RSRC1: variants seen among roughly 807,000 people sequenced by gnomAD.
RSRC1 encodes the protein arginine and serine rich coiled-coil 1, also known as serine/Arginine-related protein 53.
A neutral mutation model predicts 49.1 loss-of-function variants in RSRC1; 39 were observed. That is an observed-to-expected ratio of 0.79 (90% CI 0.61 to 1.04). The LOEUF (loss-of-function observed/expected upper bound fraction) is 1.04. Ranked by LOEUF, RSRC1 falls within the 50% of genes least tolerant of loss-of-function variation. RSRC1 has a pLI of 0.00. For synonymous variants in RSRC1, 143 were observed against 130.8 expected, an observed-to-expected ratio of 1.09 and a Z score of -0.63; for missense variants, 388 against 402.4, an observed-to-expected ratio of 0.96 and a Z score of 0.31.
intron 6 of RSRC1, among the ~76,000 whole-genome samples, chr3:158,405,890 A>G (rs1322500313): frequency 2.0e-5 from 3 of 152,170 alleles, no homozygotes; most frequent in Non-Finnish European, 4.4e-5. Context: ...TCTTAAATTT[A>G]CATTATTCTT....
intron 5 of RSRC1, among the ~76,000 whole-genome samples, chr3:158,334,939 A>G (rs1729801589): frequency 2.0e-5 from 3 of 152,174 alleles, no homozygotes; most frequent in African/African-American, 7.2e-5. Flanking sequence ...TTGCATTAAA[A>G]TAGCCAAAGT....
chr3:158,256,961 TTTC>T (rs1341453565), intron 4 of RSRC1, among the ~76,000 whole-genome samples: 1 of 152,142 alleles, frequency 6.6e-6, no homozygotes, highest in Non-Finnish European at 1.5e-5. Context: ...TCTTCTCTCT[TTTC>T]TTCTTTAATA....
intron 4 of RSRC1, among the ~76,000 whole-genome samples, chr3:158,218,634 G>A (rs1250467245): frequency 6.6e-6 from 1 of 151,586 alleles, no homozygotes; most frequent in Non-Finnish European, 1.5e-5. Context: ...GCAGAACTCA[G>A]GAGAGTTTTA....
intron 6 of RSRC1, among the ~76,000 whole-genome samples, chr3:158,398,334 G>A (rs779712747): frequency 6.6e-6 from 1 of 152,104 alleles, no homozygotes; most frequent in Non-Finnish European, 1.5e-5. Flanking sequence ...TGAGGGCCAG[G>A]AGGCTAGAAG....
Position 158,353,561 on chromosome 3 carries a change from C to T in RSRC1, c.532-1296C>T, listed in dbSNP as rs145908767. On this transcript the variant is annotated intron_variant, in intron 5 of 9. Coordinates refer to ENST00000611884, the MANE Select transcript of RSRC1 (RefSeq NM_001271838.2). ...TTAATCCCTGTTCTGTGATATAATA[C>T]GTTCTCCCAGTCTCCTCACTTGTCT... Among the ~76,000 whole-genome samples the T allele has an allele frequency of 1.1e-4, 16 of 152,282 alleles. 1 individual carries two copies. The highest frequency in any genetic ancestry group is 3.6e-4 in the African/African-American group (15 of 41,562).
At chr3:158,346,663 C>T (rs1456442074) in intron 5 of RSRC1, among the ~76,000 whole-genome samples, 1 of 152,178 alleles carries the variant, frequency 6.6e-6, no homozygotes, top group African/African-American at 2.4e-5. Context: ...CTGTAACTCT[C>T]ATACCCTACT....
chr3:158,456,154 A>G (rs1230646154), intron 6 of RSRC1, among the ~76,000 whole-genome samples: 5 of 152,016 alleles, frequency 3.3e-5, no homozygotes, highest in Non-Finnish European at 5.9e-5. Context: ...AATAATATAC[A>G]TGTGTTTTTT....
At chr3:158,497,618 G>A (rs1739405148) in intron 7 of RSRC1, among the ~76,000 whole-genome samples, 1 of 151,932 alleles carries the variant, frequency 6.6e-6, no homozygotes, top group Non-Finnish European at 1.5e-5. Context: ...TGTATTTTTA[G>A]TAGAGATGTG....
At chr3:158,218,771 A>T (rs556365256) in intron 4 of RSRC1, among the ~76,000 whole-genome samples, 7 of 151,800 alleles carry the variant, frequency 4.6e-5, no homozygotes, top group Admixed American at 1.3e-4. Context: ...CCATATGGCA[A>T]GATTAAATCA....
chr3:158,150,856 G>T (rs1305512189), intron 3 of RSRC1, among the ~76,000 whole-genome samples: 2 of 152,162 alleles, frequency 1.3e-5, no homozygotes, highest in African/African-American at 4.8e-5. Context: ...TTCTGTGTAA[G>T]ATATTATTTG....
chr3:158,407,838 T>C (rs1423460141), intron 6 of RSRC1, among the ~76,000 whole-genome samples: 1 of 152,166 alleles, frequency 6.6e-6, no homozygotes, highest in African/African-American at 2.4e-5. Flanking sequence ...CTAAAGTAAT[T>C]CTTTTCTACT....
chr3:158,359,735 G>C (rs577276872), intron 6 of RSRC1, among the ~76,000 whole-genome samples: 34 of 152,300 alleles, frequency 2.2e-4, no homozygotes, highest in African/African-American at 7.9e-4. Flanking sequence ...CCTGCAACAT[G>C]GTGAGCAAGG....
intron 4 of RSRC1, among the ~76,000 whole-genome samples, chr3:158,291,694 A>G (rs1436305432): frequency 1.3e-5 from 2 of 152,196 alleles, no homozygotes; most frequent in Non-Finnish European, 2.9e-5. Context: ...CATCAGAAAG[A>G]ATAGTATTTT....
intron 7 of RSRC1, among the ~76,000 whole-genome samples, chr3:158,517,131 T>C (rs1027285164): frequency 2.6e-5 from 4 of 152,188 alleles, no homozygotes; most frequent in Admixed American, 6.5e-5. Context: ...CTCCATTTGT[T>C]GGATTTATTC....
At chr3:158,175,506 T>C (rs1400571347) in intron 3 of RSRC1, among the ~76,000 whole-genome samples, 1 of 152,128 alleles carries the variant, frequency 6.6e-6, no homozygotes, top group East Asian at 1.9e-4. Flanking sequence ...GTTCATCCAG[T>C]TGACCCATTA....
At chr3:158,461,778 T>C (rs1191379230) in intron 7 of RSRC1, among the ~76,000 whole-genome samples, 3 of 151,808 alleles carry the variant, frequency 2.0e-5, no homozygotes, top group Non-Finnish European at 4.4e-5. Context: ...TTTGAGAAGT[T>C]GAAGTCTGAT....
At chr3:158,351,855 G>C (rs1730893126) in intron 5 of RSRC1, among the ~76,000 whole-genome samples, 1 of 144,320 alleles carries the variant, frequency 6.9e-6, no homozygotes, top group East Asian at 2.0e-4. Flanking sequence ...TATCTTAACA[G>C]GTATATTTAT....
At chr3:158,378,275 G>T (rs1732485536) in intron 6 of RSRC1, among the ~76,000 whole-genome samples, 1 of 151,992 alleles carries the variant, frequency 6.6e-6, no homozygotes, top group South Asian at 2.1e-4. Context: ...CTCATGTTGG[G>T]TGGGACCTTA....
chr3:158,218,925 C>T (rs1722093182), intron 4 of RSRC1, among the ~76,000 whole-genome samples: 2 of 151,622 alleles, frequency 1.3e-5, no homozygotes, highest in African/African-American at 4.8e-5. Context: ...TCTTTGATCT[C>T]AAGAAACTTC....
Sources: allele counts gnomAD v4.1 joint callset (sites outside exome capture counted in the v4.1 genomes callset), GRCh38; gene constraint gnomAD v4.1.1; transcripts MANE v1.5; gene names NCBI Gene and HGNC (gene_info 2026-07-23, HGNC 2026-07-21).